The following GPRASP3 variants were observed in gnomAD, a reference collection of about 807,000 sequenced individuals.
GPRASP3 encodes the protein G protein-coupled receptor associated sorting protein family member 3.
At chrX:102,749,719 A>C in the GPRASP3 span, 1 of 1,211,390 alleles carries the variant, frequency 8.3e-7, no homozygotes, top group Admixed American at 2.2e-5. Context: ...ATCTGAGGCA[A>C]GCCCTCCTTC....
chrX:102,735,838 T>C, the GPRASP3 span, among the ~76,000 whole-genome samples: 1 of 112,999 alleles, frequency 8.8e-6, no homozygotes, highest in Non-Finnish European at 1.9e-5. Context: ...CCATTCCTTC[T>C]TGTAATCTTT....
the GPRASP3 span, among the ~76,000 whole-genome samples, chrX:102,725,839 G>A: frequency 3.6e-5 from 4 of 112,278 alleles, no homozygotes; most frequent in Non-Finnish European, 7.5e-5. Flanking sequence ...GAGCCACTGC[G>A]CCCATCCCAC....
chrX:102,729,605 C>T, the GPRASP3 span, among the ~76,000 whole-genome samples: 4 of 112,407 alleles, frequency 3.6e-5, no homozygotes, highest in Admixed American at 9.4e-5. Context: ...CACAGTGGCT[C>T]ACGCCTGTAA....
chrX:102,746,596 G>T, the GPRASP3 span, among the ~76,000 whole-genome samples: 1 of 112,460 alleles, frequency 8.9e-6, no homozygotes. Flanking sequence ...CCCACGAGAG[G>T]TGGGCCGCGT....
the GPRASP3 span, among the ~76,000 whole-genome samples, chrX:102,721,925 C>T: frequency 9.0e-6 from 1 of 111,718 alleles, no homozygotes; most frequent in African/African-American, 3.3e-5. Flanking sequence ...TTCCCCCTAC[C>T]CCATGCACCC....
chrX:102,740,493 T>C, the GPRASP3 span, among the ~76,000 whole-genome samples: 4 of 111,488 alleles, frequency 3.6e-5, no homozygotes, highest in Admixed American at 9.5e-5. Flanking sequence ...CTTCCCCAGA[T>C]TGTGAAGAGT....
chrX:102,726,520 G>A, the GPRASP3 span, among the ~76,000 whole-genome samples: 1 of 111,048 alleles, frequency 9.0e-6, no homozygotes, highest in Non-Finnish European at 1.9e-5. Flanking sequence ...GCCCATCACA[G>A]TACTTATTTT....
chrX:102,748,207 T>C, the GPRASP3 span, among the ~76,000 whole-genome samples: 1 of 111,727 alleles, frequency 9.0e-6, no homozygotes, highest in South Asian at 3.8e-4. Flanking sequence ...GAGATTAGAG[T>C]GTAGGTCTGT....
chrX:102,740,985 T>G, the GPRASP3 span, among the ~76,000 whole-genome samples: 1 of 111,671 alleles, frequency 9.0e-6, no homozygotes, highest in Non-Finnish European at 1.9e-5. Context: ...CTGAGTCACA[T>G]GGCCAATATG....
chrX:102,750,335 C>T, the GPRASP3 span: 1 of 1,209,767 alleles, frequency 8.3e-7, no homozygotes, highest in Non-Finnish European at 1.1e-6. Context: ...AATTACTTTT[C>T]AGAGCTTTTC....
chrX:102,731,262 G>A, the GPRASP3 span, among the ~76,000 whole-genome samples: 3 of 112,449 alleles, frequency 2.7e-5, no homozygotes, highest in Non-Finnish European at 5.6e-5. Flanking sequence ...GAAAGAATTC[G>A]ACCAAGGGGT....
the GPRASP3 span, among the ~76,000 whole-genome samples, chrX:102,738,377 C>T: frequency 8.9e-6 from 1 of 112,408 alleles, no homozygotes; most frequent in African/African-American, 3.2e-5. Flanking sequence ...TTACAATTAC[C>T]CACTTGAGAA....
the GPRASP3 span, among the ~76,000 whole-genome samples, chrX:102,744,887 A>C: frequency 8.9e-6 from 1 of 111,854 alleles, no homozygotes; most frequent in East Asian, 2.8e-4. Context: ...TACCGTCTAC[A>C]ATGTGCTGAG....
At chrX:102,723,318 C>T in the GPRASP3 span, among the ~76,000 whole-genome samples, 2 of 111,721 alleles carry the variant, frequency 1.8e-5, no homozygotes, top group East Asian at 5.6e-4. Flanking sequence ...CTATGTTGTT[C>T]TACTACTTTA....
chrX:102,731,136 A>G, the GPRASP3 span, among the ~76,000 whole-genome samples: 1 of 112,981 alleles, frequency 8.9e-6, no homozygotes, highest in African/African-American at 3.2e-5. Context: ...AGAAAATACT[A>G]AGCAGGATAA....
At chrX:102,741,246 G>A in the GPRASP3 span, among the ~76,000 whole-genome samples, 1 of 112,165 alleles carries the variant, frequency 8.9e-6, no homozygotes, top group Non-Finnish European at 1.9e-5. Context: ...AGACCCAAGT[G>A]GGCGACTTGA....
At chrX:102,741,079 T>C in the GPRASP3 span, among the ~76,000 whole-genome samples, 4 of 111,495 alleles carry the variant, frequency 3.6e-5, no homozygotes, top group East Asian at 1.1e-3. Context: ...TGAATCTGTA[T>C]GGGTCTGCAG....
the GPRASP3 span, among the ~76,000 whole-genome samples, chrX:102,735,570 A>AT: frequency 0.015 from 1,584 of 105,229 alleles, 24 homozygotes; most frequent in African/African-American, 0.038. Context: ...CACCTGGCTA[A>AT]TTTTTTTTTT....
At chrX:102,737,147 A>G in the GPRASP3 span, among the ~76,000 whole-genome samples, 3 of 112,514 alleles carry the variant, frequency 2.7e-5, no homozygotes, top group Admixed American at 9.4e-5. Context: ...AGATTCAAGA[A>G]GAGAAAAAAA....
Sources: gnomAD v4.1 joint callset for allele counts (sites outside exome capture counted in the v4.1 genomes callset) on GRCh38, gnomAD v4.1.1 for gene constraint, MANE v1.5 for transcripts, NCBI Gene and HGNC (gene_info 2026-07-23, HGNC 2026-07-21) for gene names.